The following AWAT1 variants were observed in gnomAD, a reference collection of about 807,000 sequenced individuals.
The protein encoded by AWAT1 is acyl-CoA wax alcohol acyltransferase 1.
AWAT1 carries 26 observed loss-of-function variants against 21.6 expected under a neutral mutation model. The observed-to-expected ratio is 1.20, with a 90% CI of 0.88 to 1.67. The LOEUF (loss-of-function observed/expected upper bound fraction) is 1.67, where lower values mean the gene tolerates loss of function less well. Among genes scored for constraint, AWAT1 ranks in the 40% most tolerant of loss-of-function variants. AWAT1 has a pLI of 0.00. For missense variants in AWAT1, 264 were observed against 249.4 expected (o/e 1.06, Z -0.39); for synonymous variants, 102 against 99.3 (o/e 1.03, Z -0.16).
intron 4 of AWAT1, among the ~76,000 whole-genome samples, chrX:70,237,513 C>T (rs2085519262): frequency 9.1e-6 from 1 of 109,512 alleles, no homozygotes; most frequent in Non-Finnish European, 1.9e-5. Flanking sequence ...GGGATGATGA[C>T]TAAAAGTGAG....
At chrX:70,238,424 GA>G (rs753999839) in intron 5 of AWAT1, 41 bp downstream of exon 5, 2 of 1,117,458 alleles carry the variant, frequency 1.8e-6, no homozygotes, top group South Asian at 4.5e-5. Context: ...GGTGTTCTCT[GA>G]GCAGCATGAC....
chrX:70,234,769 T>G lies in AWAT1; in HGVS notation c.74T>G (p.Ile25Ser). 1 of 1,204,490 alleles carries G rather than the reference T, an allele frequency of 8.3e-7. No homozygotes were observed. Among genetic ancestry groups the G allele is most frequent in the Non-Finnish European group, 1.1e-6 (1 of 889,618 alleles). Reference protein sequence around the residue: ...LLQWPLSYLAIFWILQPLFVY... With the variant: ...LLQWPLSYLASFWILQPLFVY... The stretch of plus-strand genomic sequence containing the variant: ...CAGTGGCCTTTGAGCTACCTTGCCA[T>G]CTGTGAGTATTGACCCAAGAGTGCA... Residue 25 changes from isoleucine to serine, a missense_variant and splice_region_variant, in exon 1 of 7, where the codon ATC becomes AGC. Coordinates refer to ENST00000374521, the MANE Select transcript of AWAT1 (RefSeq NM_001013579.3).
At chrX:70,235,984 G>C in intron 2 of AWAT1, 85 bp from the exon 3 acceptor site, 2 of 945,973 alleles carry the variant, frequency 2.1e-6, no homozygotes, top group East Asian at 6.2e-5. Flanking sequence ...CTCTCTAGCA[G>C]AGCCATGCTA....
intron 2 of AWAT1, 21 bp downstream of exon 2, chrX:70,235,844 A>T: frequency 8.7e-7 from 1 of 1,145,270 alleles, no homozygotes; most frequent in Non-Finnish European, 1.2e-6. Context: ...CAGACCTAGA[A>T]AGAAGAATGT....
chrX:70,236,214 G>A (rs1030335688), intron 3 of AWAT1, 75 bp downstream of exon 3: 2 of 843,453 alleles, frequency 2.4e-6, no homozygotes, highest in South Asian at 2.2e-5. Flanking sequence ...GACTAGAGTT[G>A]TCCATAAGGA....
Position 70,237,155 on chromosome X carries a change from T to C in AWAT1, c.367T>C (p.Phe123Leu). ...FCNFCTEATG[F>L]SKTFPGITPH... ...CAACTTCTGCACTGAGGCCACAGGC[T>C]TCTCGAAGACCTTCCCAGGCATCAC... is the stretch of plus-strand genomic sequence containing the variant. Residue 123 changes from phenylalanine to leucine, a missense_variant, in exon 4 of 7, where the codon TTC becomes CTC. Coordinates refer to ENST00000374521, the MANE Select transcript of AWAT1 (RefSeq NM_001013579.3). 12 of 1,208,104 alleles carry C rather than the reference T, an allele frequency of 9.9e-6. No homozygotes were observed. The highest frequency in any genetic ancestry group is 1.3e-5 in the Non-Finnish European group (12 of 893,839).
intron 6 of AWAT1, 55 bp downstream of exon 6, chrX:70,239,989 G>T: frequency 8.6e-7 from 1 of 1,168,254 alleles, no homozygotes; most frequent in South Asian, 1.8e-5. Context: ...CTCAACCTCA[G>T]CCTGGCCCCA....
In AWAT1 at chrX:70,240,399, G is replaced by T; in HGVS notation, c.*109G>T. ...GATGAGGGAGGTTATATGTGGTAGG[G>T]GAGGGCATGAGGAATTCCTTCTTTG... On this transcript the variant is annotated 3_prime_UTR_variant, in exon 7 of 7. Coordinates refer to ENST00000374521, the MANE Select transcript of AWAT1 (RefSeq NM_001013579.3). The T allele has an allele frequency of 2.3e-6, 2 of 876,077 alleles. No homozygotes were observed. Among genetic ancestry groups the T allele is most frequent in the Admixed American group, 5.7e-5 (2 of 35,056 alleles). The allele number at this position is 876,077 out of a possible 1,213,427, so 72.2% of individuals were successfully genotyped here. A position where few individuals can be genotyped will look rare whatever the true frequency, so the allele number is the denominator to read the frequency against.
chrX:70,235,220 A>G lies in AWAT1; in HGVS notation c.76+449A>G, dbSNP rs369100819. 3.1e-4 allele frequency among the ~76,000 whole-genome samples: 34 copies of G among 111,012 alleles called. No individual in the cohort carries two copies. The East Asian group carries it at 6.0e-3, about 20-fold the overall frequency. On this transcript the variant is annotated intron_variant, in intron 1 of 6. Coordinates refer to ENST00000374521, the MANE Select transcript of AWAT1 (RefSeq NM_001013579.3). ...TGGGGTGGTGGTAGCATGCGGGAAGACAGTGTCATTGGAAAGAATGGTGAA... is the reference window on the plus strand; with the variant it reads ...TGGGGTGGTGGTAGCATGCGGGAAGGCAGTGTCATTGGAAAGAATGGTGAA...
At chrX:70,236,199 C>A in intron 3 of AWAT1, 60 bp downstream of exon 3, 1 of 931,399 alleles carries the variant, frequency 1.1e-6, no homozygotes, top group Non-Finnish European at 1.6e-6. Flanking sequence ...GCATTTATAC[C>A]ACATGACTAG....
In AWAT1 at chrX:70,237,068, C is replaced by T. The variant is rs975420595; in HGVS notation, c.280C>T (p.Pro94Ser). The change falls in exon 4 of 7, where the codon CCT becomes TCT. Residue 94 changes from proline to serine, a missense_variant. Coordinates refer to ENST00000374521, the MANE Select transcript of AWAT1 (RefSeq NM_001013579.3). ...GATCCTGAAGACAAAGGACCTATCA[C>T]CTGAGCACAACTACCTCATGGGGGT... The part of the protein sequence containing the change: ...ITILKTKDLS[P>S]EHNYLMGVHP... The T allele has an allele frequency of 5.0e-6, 6 of 1,205,674 alleles. No individual in the cohort carries two copies. The African/African-American group carries it at 1.1e-4, about 21-fold the overall frequency.
At chrX:70,237,822 ACT>A (rs1227624804) in intron 4 of AWAT1, among the ~76,000 whole-genome samples, 1 of 84,601 alleles carries the variant, frequency 1.2e-5, no homozygotes, top group African/African-American at 4.5e-5. Flanking sequence ...ACAGAGAGAA[ACT>A]CTGTCTCAAA....
chrX:70,235,606 G>A (rs2085510806), intron 1 of AWAT1, 110 bp from the exon 2 acceptor site: 12 of 570,483 alleles, frequency 2.1e-5, no homozygotes, highest in Non-Finnish European at 2.8e-5. Flanking sequence ...CCTGGATTGT[G>A]TTGAGGGCCA....
chrX:70,238,475 C>G (rs2085524678), intron 5 of AWAT1, 92 bp downstream of exon 5: 2 of 955,174 alleles, frequency 2.1e-6, no homozygotes, highest in Admixed American at 3.5e-5. Flanking sequence ...GTGAATTTTG[C>G]CCTCAAGGAA....
chrX:70,237,316 T>G lies in AWAT1; in HGVS notation c.460+68T>G, dbSNP rs776519032. ...TGCTTGGAAATGCACCCTTTTAAAT[T>G]CCATCCCCTCCTCCCCCCACCCGCC... On this transcript the variant is annotated intron_variant, in intron 4 of 6. Coordinates refer to ENST00000374521, the MANE Select transcript of AWAT1 (RefSeq NM_001013579.3). 19 of 960,105 alleles carry G rather than the reference T, an allele frequency of 2.0e-5. No homozygotes were observed. The Middle Eastern group carries it at 1.1e-3, about 56-fold the overall frequency. 79.1% of individuals were successfully genotyped at this position (960,105 alleles called of 1,213,427 possible).
In AWAT1 at chrX:70,238,267, C is replaced by A. The variant is rs1045872493; in HGVS notation, c.516C>A (p.Gly172=). The stretch of plus-strand genomic sequence containing the variant: ...ACTATCTGCTGAGCCATGGCACTGG[C>A]AACCTCGTGGGCATTGTAGTGGGAG... ...AINYLLSHGT[G]NLVGIVVGGV... The change falls in exon 5 of 7, where the codon GGC becomes GGA. Residue 172 remains glycine, a synonymous_variant. Coordinates refer to ENST00000374521, the MANE Select transcript of AWAT1 (RefSeq NM_001013579.3). 3.0e-5 allele frequency: 36 copies of A among 1,209,438 alleles called. No homozygotes were observed. Among genetic ancestry groups the A allele is most frequent in the Non-Finnish European group, 3.6e-5 (32 of 894,643 alleles).
intron 4 of AWAT1, 162 bp downstream of exon 4, chrX:70,237,410 C>T (rs1569213476): frequency 4.2e-6 from 2 of 473,926 alleles, no homozygotes; most frequent in Non-Finnish European, 7.1e-6. Context: ...ATTGAACCCT[C>T]CTAGCTCTAC....
chrX:70,237,271 G>A (rs776571608), intron 4 of AWAT1, 23 bp downstream of exon 4: 1 of 1,168,726 alleles, frequency 8.6e-7, no homozygotes, highest in Non-Finnish European at 1.2e-6. Context: ...ATACTTACTG[G>A]AGCTTCTGGT....
chrX:70,239,555 C>T lies in AWAT1; in HGVS notation c.633-180C>T, dbSNP rs113207200. On this transcript the variant is annotated intron_variant, in intron 5 of 6. Transcript: ENST00000374521. ...GCCCAGAGAGAGCAATCTCACTGGC[C>T]TTGAAAATTTCATGACAAGAGACAT... Among the ~76,000 whole-genome samples the T allele has an allele frequency of 1.7e-3, 193 of 111,886 alleles. 1 individual carries two copies. Among genetic ancestry groups the T allele is most frequent in the African/African-American group, 5.8e-3 (180 of 30,776 alleles).
Sources: gnomAD v4.1 joint callset for allele counts (sites outside exome capture counted in the v4.1 genomes callset) on GRCh38, gnomAD v4.1.1 for gene constraint, MANE v1.5 for transcripts, NCBI Gene and HGNC (gene_info 2026-07-23, HGNC 2026-07-21) for gene names.